COL9A1: variants seen among roughly 807,000 people sequenced by gnomAD.
The protein encoded by COL9A1 is collagen type IX alpha 1 chain.
COL9A1 carries 104 observed loss-of-function variants against 142.6 expected under a neutral mutation model. The observed-to-expected ratio is 0.73, with a 90% CI of 0.62 to 0.86. COL9A1 has a LOEUF of 0.86. Ranked by LOEUF, COL9A1 falls within the 40% of genes least tolerant of loss-of-function variation. The pLI, the probability that COL9A1 is intolerant of heterozygous loss-of-function variation, is 0.00. For missense variants in COL9A1, 1,210 were observed against 1,176.6 expected (o/e 1.03, Z -0.42); for synonymous variants, 466 against 396.0 (o/e 1.18, Z -2.10).
chr6:70,277,916 T>C (rs1299112101), intron 10 of COL9A1, among the ~76,000 whole-genome samples: 1 of 152,206 alleles, frequency 6.6e-6, no homozygotes, highest in African/African-American at 2.4e-5. Flanking sequence ...GTTGAAGCTC[T>C]CCTACTTACT....
At chr6:70,276,431 C>A (rs996465269) in intron 10 of COL9A1, among the ~76,000 whole-genome samples, 3 of 152,110 alleles carry the variant, frequency 2.0e-5, no homozygotes, top group Non-Finnish European at 4.4e-5. Flanking sequence ...ACTGGAATAA[C>A]TGACAAGATT....
intron 37 of COL9A1, among the ~76,000 whole-genome samples, chr6:70,223,667 C>T (rs571820513): frequency 3.3e-5 from 5 of 152,388 alleles, no homozygotes; most frequent in East Asian, 1.9e-4. Context: ...GCGCACTACA[C>T]GAGGACACCG....
At chr6:70,301,547 A>G (rs866793000) in intron 2 of COL9A1, among the ~76,000 whole-genome samples, 5 of 152,346 alleles carry the variant, frequency 3.3e-5, no homozygotes, top group Middle Eastern at 3.4e-3. Context: ...ATTGCATTCC[A>G]GCCTAGGTGA....
chr6:70,235,028 G>T, intron 33 of COL9A1, 88 bp from the exon 34 acceptor site: 1 of 1,530,778 alleles, frequency 6.5e-7, no homozygotes, highest in African/African-American at 1.4e-5. Flanking sequence ...TATGAAATTT[G>T]CGGTTTCCTG....
At position 70,233,737 on chromosome 6, in the gene COL9A1, A is replaced by C. The variant is rs568325448; in HGVS notation, c.2314+802T>G. ...GAGGCCTATATTGCTTTTCAAATATAGAAGTGAATGTTTCATTCCTATTTG... is the reference window on the plus strand; with the variant it reads ...GAGGCCTATATTGCTTTTCAAATATCGAAGTGAATGTTTCATTCCTATTTG... On this transcript the variant is annotated intron_variant, in intron 35 of 37. Transcript: ENST00000357250. Among the ~76,000 whole-genome samples, 47 of 152,376 alleles carry C rather than the reference A, an allele frequency of 3.1e-4. 1 individual carries two copies. In the South Asian group the frequency reaches 9.5e-3, roughly 31 times the overall value.
At chr6:70,271,880 T>C (rs527420105) in intron 13 of COL9A1, among the ~76,000 whole-genome samples, 172 bp from the exon 14 acceptor site, 12 of 152,322 alleles carry the variant, frequency 7.9e-5, no homozygotes, top group Admixed American at 1.3e-4. Flanking sequence ...AGCAGAAATT[T>C]CCTAAATTAA....
intron 5 of COL9A1, among the ~76,000 whole-genome samples, chr6:70,293,364 T>C (rs1355697570): frequency 1.3e-5 from 2 of 152,166 alleles, no homozygotes; most frequent in Non-Finnish European, 2.9e-5. Context: ...TTCAAAATGA[T>C]AGAACTATCT....
intron 35 of COL9A1, 95 bp from the exon 36 acceptor site, chr6:70,232,866 T>C: frequency 1.6e-6 from 2 of 1,222,528 alleles, no homozygotes; most frequent in Non-Finnish European, 2.4e-6. Context: ...TTTTTCTAAA[T>C]GTGTCACCAG....
chr6:70,296,812 A>T (rs928459077), intron 4 of COL9A1, among the ~76,000 whole-genome samples: 4 of 152,082 alleles, frequency 2.6e-5, no homozygotes, highest in Non-Finnish European at 5.9e-5. Context: ...AATGATTTGG[A>T]TTTAACCAGA....
intron 37 of COL9A1, among the ~76,000 whole-genome samples, chr6:70,220,295 G>A (rs1210845962): frequency 6.6e-6 from 1 of 152,042 alleles, no homozygotes; most frequent in East Asian, 1.9e-4. Flanking sequence ...TAGTCATATA[G>A]CCAGAAATGA....
chr6:70,288,866 G>A (rs1331541523), intron 5 of COL9A1, among the ~76,000 whole-genome samples: 1 of 152,042 alleles, frequency 6.6e-6, no homozygotes, highest in Non-Finnish European at 1.5e-5. Flanking sequence ...ATATACTTAT[G>A]TATTTACAGT....
intron 33 of COL9A1, 68 bp from the exon 34 acceptor site, chr6:70,235,008 T>C: frequency 6.3e-7 from 1 of 1,599,092 alleles, no homozygotes; most frequent in Non-Finnish European, 8.6e-7. Flanking sequence ...CATACTCATA[T>C]AAACACTTAT....
chr6:70,280,731 C>CG, intron 10 of COL9A1, 81 bp downstream of exon 10: 3 of 1,451,842 alleles, frequency 2.1e-6, no homozygotes, highest in Non-Finnish European at 2.8e-6. Flanking sequence ...CTCTCTCTCC[C>CG]TCCCCCCCCA....
At chr6:70,302,539 T>C (rs1774112908) in intron 1 of COL9A1, among the ~76,000 whole-genome samples, 1 of 152,122 alleles carries the variant, frequency 6.6e-6, no homozygotes, top group African/African-American at 2.4e-5. Context: ...TACTGAGAGA[T>C]GTAAGGAACT....
intron 10 of COL9A1, chr6:70,279,666 A>AAAAAAAAAAAAAAAAAAAAAAC (rs1562322878): frequency 1.8e-5 from 3 of 170,740 alleles, no homozygotes; most frequent in Admixed American, 6.5e-5. Context: ...AAAAAAAAAA[A>AAAAAAAAAAAAAAAAAAAAAAC]AAAACACATA....
intron 37 of COL9A1, among the ~76,000 whole-genome samples, chr6:70,224,940 T>G (rs1365417016): frequency 6.6e-6 from 1 of 152,198 alleles, no homozygotes; most frequent in Non-Finnish European, 1.5e-5. Flanking sequence ...CCAGAAGCAA[T>G]GAAATGGATA....
intron 37 of COL9A1, among the ~76,000 whole-genome samples, chr6:70,220,389 GGTGT>G (rs58525634): frequency 0.3 from 44,616 of 148,444 alleles, 6,950 homozygotes; most frequent in East Asian, 0.44. Flanking sequence ...GGTGTGGCAG[GGTGT>G]GTGTGTGTGT....
chr6:70,239,119 A>G (rs1770087801), intron 33 of COL9A1, 135 bp downstream of exon 33: 1 of 639,910 alleles, frequency 1.6e-6, no homozygotes, highest in Non-Finnish European at 2.7e-6. Context: ...CGCCTGGGCG[A>G]CAGAGTGAGA....
chr6:70,262,942 T>C (rs146183361), intron 19 of COL9A1, among the ~76,000 whole-genome samples: 127 of 152,336 alleles, frequency 8.3e-4, no homozygotes, highest in African/African-American at 2.8e-3. Flanking sequence ...ACATAAAAGA[T>C]GAGTATCATC....
Sources: gnomAD v4.1 joint callset for allele counts (sites outside exome capture counted in the v4.1 genomes callset) on GRCh38, gnomAD v4.1.1 for gene constraint, MANE v1.5 for transcripts, NCBI Gene and HGNC (gene_info 2026-07-23, HGNC 2026-07-21) for gene names.